MYO18B: variants seen among roughly 807,000 people sequenced by gnomAD.
MYO18B encodes unconventional myosin-XVIIIb.
A neutral mutation model predicts 273.0 loss-of-function variants in MYO18B; 204 were observed. That is an observed-to-expected ratio of 0.75 (90% CI 0.67 to 0.84). The LOEUF is 0.84. MYO18B is among the 40% of genes least tolerant of loss of function. MYO18B has a pLI of 0.00. For missense variants in MYO18B, 3,212 were observed against 3,287.6 expected, an observed-to-expected ratio of 0.98 and a Z score of 0.56; for synonymous variants, 1,330 against 1,305.7, an observed-to-expected ratio of 1.02 and a Z score of -0.40.
the MYO18B span, among the ~76,000 whole-genome samples, chr22:26,057,938 C>G: frequency 6.6e-6 from 1 of 152,082 alleles, no homozygotes; most frequent in Admixed American, 6.6e-5. Flanking sequence ...AACCAAATAG[C>G]CATGGCAGAC....
intron 31 of MYO18B, among the ~76,000 whole-genome samples, chr22:25,904,584 T>C (rs2092002986): frequency 6.6e-6 from 1 of 152,092 alleles, no homozygotes; most frequent in African/African-American, 2.4e-5. Flanking sequence ...TTGGGGAAAA[T>C]AAAATAACAA....
intron 42 of MYO18B, among the ~76,000 whole-genome samples, chr22:26,010,168 C>T (rs989267500): frequency 5.3e-5 from 8 of 152,184 alleles, no homozygotes; most frequent in African/African-American, 1.9e-4. Context: ...AATACTCTTT[C>T]TGCTTCTCTC....
intron 21 of MYO18B, among the ~76,000 whole-genome samples, chr22:25,859,947 T>C (rs1379506011): frequency 6.6e-6 from 1 of 152,218 alleles, no homozygotes; most frequent in Non-Finnish European, 1.5e-5. Context: ...CATTTTCCGC[T>C]ACAAGATTTG....
rs368491297 is a variant in MYO18B at position 25,870,244 on chromosome 22, T to G, written c.3951+1859T>G. Among the ~76,000 whole-genome samples, 31 of 152,336 alleles carry G rather than the reference T, an allele frequency of 2.0e-4. 1 individual carries two copies. In the South Asian group the frequency reaches 6.4e-3, roughly 32 times the overall value. On this transcript the variant is annotated intron_variant, in intron 22 of 43. Transcript: ENST00000335473. Reference sequence around the variant, plus strand: ...AACAATGGGGATACATTCTGAGAAATGAGTGGTTAGGCAATTTCTTCACTG... The same window carrying G: ...AACAATGGGGATACATTCTGAGAAAGGAGTGGTTAGGCAATTTCTTCACTG...
rs187476486 is a variant in MYO18B, at chr22:25,981,502, T to C, written c.6157-10861T>C. Among the ~76,000 whole-genome samples the C allele has an allele frequency of 3.1e-4, 47 of 152,280 alleles. 1 individual carries two copies. The highest frequency in any genetic ancestry group is 2.5e-3 in the Admixed American group (38 of 15,294). On this transcript the variant is annotated intron_variant, in intron 39 of 43. Coordinates refer to ENST00000335473, the MANE Select transcript of MYO18B (RefSeq NM_032608.7). ...TTCTGAGGTTAGGCTATAAAAGACA[T>C]TTGGTGGCAGCAGGATCACTTGAGG...
At chr22:25,955,447 G>A (rs555264543) in intron 39 of MYO18B, 83 bp downstream of exon 39, 2 of 1,429,064 alleles carry the variant, frequency 1.4e-6, no homozygotes, top group South Asian at 2.8e-5. Flanking sequence ...CTTCTGAATG[G>A]GAGACTCATA....
chr22:25,965,876 G>GCGTC (rs2092972283), intron 39 of MYO18B, among the ~76,000 whole-genome samples: 1 of 152,116 alleles, frequency 6.6e-6, no homozygotes, highest in Non-Finnish European at 1.5e-5. Flanking sequence ...CTGTGACCTG[G>GCGTC]CGTCTCCTTG....
the MYO18B span, among the ~76,000 whole-genome samples, chr22:26,042,332 G>A: frequency 9.2e-5 from 14 of 152,246 alleles, no homozygotes; most frequent in African/African-American, 3.1e-4. Context: ...GCACAGCACG[G>A]AACATGACGC....
chr22:25,868,643 A>G (rs1347312030), intron 22 of MYO18B, among the ~76,000 whole-genome samples: 1 of 152,186 alleles, frequency 6.6e-6, no homozygotes, highest in African/African-American at 2.4e-5. Flanking sequence ...GTTTGGAGGA[A>G]TTAGCATTCT....
At chr22:26,012,761 G>A (rs7287272) in intron 42 of MYO18B, among the ~76,000 whole-genome samples, 56,529 of 152,036 alleles carry the variant, frequency 0.37, 11,866 homozygotes, top group African/African-American at 0.58. Context: ...TGGATACATC[G>A]TTGATGGTTC....
intron 37 of MYO18B, 82 bp downstream of exon 37, chr22:25,950,532 G>A (rs1222581018): frequency 1.3e-5 from 9 of 672,692 alleles, no homozygotes; most frequent in South Asian, 2.4e-5. Flanking sequence ...GTGTGTGTGT[G>A]TGTGTGTGTG....
rs567104476 is a variant in MYO18B at position 25,883,275 on chromosome 22, C to T, written c.4314+5227C>T. 1.3e-5 allele frequency: 2 copies of T among 152,306 alleles called. No homozygotes were observed. Among genetic ancestry groups the T allele is most frequent in the Non-Finnish European group, 2.9e-5 (2 of 68,054 alleles). The allele number at this position is 152,306 out of a possible 1,614,324, so 9.4% of individuals were successfully genotyped here. A position where few individuals can be genotyped will look rare whatever the true frequency, so the allele number is the denominator to read the frequency against. On this transcript the variant is annotated intron_variant, in intron 25 of 43. Transcript: ENST00000335473. This position sits in a 1 kb window ranked among gnomAD's most constrained non-coding sequence, Gnocchi z 7.6. ...CCAGTCCACCTCCTGAGGGTCTGAC[C>T]CAAGAGGAGGTTCTTGGTATGGGGG...
At chr22:25,833,201 T>C (rs1418074293) in intron 16 of MYO18B, among the ~76,000 whole-genome samples, 1 of 152,200 alleles carries the variant, frequency 6.6e-6, no homozygotes. Flanking sequence ...CAGTGGAAAT[T>C]TAAGCATCAT....
chr22:25,937,881 G>GGCC (rs1420335409), intron 34 of MYO18B, among the ~76,000 whole-genome samples: 1 of 152,086 alleles, frequency 6.6e-6, no homozygotes, highest in Non-Finnish European at 1.5e-5. Flanking sequence ...CACCGCTCCC[G>GGCC]GCCGACATTC....
intron 12 of MYO18B, among the ~76,000 whole-genome samples, chr22:25,817,868 A>C (rs1258754908): frequency 6.6e-6 from 1 of 152,316 alleles, no homozygotes; most frequent in East Asian, 1.9e-4. Flanking sequence ...AACAACCACT[A>C]CAAGGTGCAC....
chr22:26,048,086 T>C, the MYO18B span, among the ~76,000 whole-genome samples: 8 of 152,228 alleles, frequency 5.3e-5, no homozygotes, highest in Non-Finnish European at 1.0e-4. Context: ...CTTCCTCCGG[T>C]TACTTTAGTC....
intron 1 of MYO18B, among the ~76,000 whole-genome samples, chr22:25,755,094 G>A (rs2086069377): frequency 6.6e-6 from 1 of 152,196 alleles, no homozygotes; most frequent in Non-Finnish European, 1.5e-5. Context: ...CCTCGCCAGT[G>A]TCTCCCAAGG....
At chr22:25,812,806 G>A (rs926412325) in intron 12 of MYO18B, among the ~76,000 whole-genome samples, 4 of 152,210 alleles carry the variant, frequency 2.6e-5, no homozygotes, top group African/African-American at 7.2e-5. Flanking sequence ...AGCCTAAGCC[G>A]CTCTTTGAAC....
Position 25,797,988 on chromosome 22 carries a change from C to G in MYO18B, c.2412C>G (p.Ala804=). 1 of 1,613,962 alleles carries G rather than the reference C, an allele frequency of 6.2e-7. No individual in the cohort carries two copies. ...EDKQKAAAAF[A]QLQGAMEMLG... ...AACAGAAGGCGGCAGCTGCCTTTGC[C>G]CAGCTCCAGGGTGCCATGGAGATGC... Residue 804 remains alanine, a synonymous_variant, in exon 12 of 44, where the codon GCC becomes GCG. Coordinates refer to ENST00000335473, the MANE Select transcript of MYO18B (RefSeq NM_032608.7).
Sources: gnomAD v4.1 joint callset for allele counts (sites outside exome capture counted in the v4.1 genomes callset) on GRCh38, gnomAD v4.1.1 for gene constraint, Gnocchi (gnomAD v3.1) non-coding constraint, MANE v1.5 for transcripts, NCBI Gene and HGNC (gene_info 2026-07-23, HGNC 2026-07-21) for gene names.